TOX: variants seen among roughly 807,000 people sequenced by gnomAD.
TOX encodes thymocyte selection-associated high mobility group box protein TOX.
In TOX, 11 loss-of-function variants were observed where a neutral mutation model predicts 53.7. The ratio of observed to expected loss-of-function variants is 0.20; its 90% CI spans 0.13 to 0.34. TOX has a LOEUF of 0.34. TOX is among the 10% of genes least tolerant of loss of function. The probability of loss-of-function intolerance (pLI) is 1.00; values close to 1 mark genes in which losing one functional copy is unlikely to be tolerated. For synonymous variants in TOX, 225 were observed against 245.3 expected (o/e 0.92, Z 0.77); for missense variants, 570 against 664.6 (o/e 0.86, Z 1.56).
intron 3 of TOX, among the ~76,000 whole-genome samples, chr8:58,883,568 A>C (rs990125937): frequency 6.6e-6 from 1 of 152,170 alleles, no homozygotes; most frequent in African/African-American, 2.4e-5. Flanking sequence ...AATTTCTCCA[A>C]AGCTTTGATT....
intron 3 of TOX, among the ~76,000 whole-genome samples, chr8:58,915,557 A>G (rs1812002740): frequency 7.6e-6 from 1 of 131,192 alleles, no homozygotes; most frequent in African/African-American, 3.0e-5. Context: ...TCTGTACATC[A>G]CCATCATCAA....
intron 1 of TOX, among the ~76,000 whole-genome samples, chr8:59,029,205 A>T (rs778730097): frequency 7.2e-5 from 11 of 152,052 alleles, no homozygotes; most frequent in Non-Finnish European, 1.3e-4. Flanking sequence ...AGTTAGATGG[A>T]ATATAGATAT....
At chr8:59,105,210 A>T (rs986358037) in intron 1 of TOX, among the ~76,000 whole-genome samples, 11 of 152,204 alleles carry the variant, frequency 7.2e-5, no homozygotes, top group Non-Finnish European at 7.4e-5. Flanking sequence ...ATCTGAAAAT[A>T]AGAAGTTATA....
intron 3 of TOX, among the ~76,000 whole-genome samples, chr8:58,911,769 T>A (rs1414058068): frequency 6.6e-6 from 1 of 152,168 alleles, no homozygotes; most frequent in East Asian, 1.9e-4. Flanking sequence ...AATGGTGCAA[T>A]CTTGGCTCAC....
intron 1 of TOX, among the ~76,000 whole-genome samples, chr8:58,977,417 A>G (rs1813121968): frequency 6.6e-6 from 1 of 152,200 alleles, no homozygotes; most frequent in Admixed American, 6.5e-5. Flanking sequence ...TTCTATCCAG[A>G]TCACCAAAAC....
chr8:58,826,579 T>C (rs1040861539), intron 6 of TOX, among the ~76,000 whole-genome samples: 5 of 152,180 alleles, frequency 3.3e-5, no homozygotes, highest in Non-Finnish European at 7.3e-5. Flanking sequence ...CTGTGACTAA[T>C]CCACAAAACC....
intron 1 of TOX, among the ~76,000 whole-genome samples, chr8:59,111,195 G>C (rs1167863115): frequency 6.6e-6 from 1 of 152,118 alleles, no homozygotes; most frequent in African/African-American, 2.4e-5. Context: ...TTTGCCTAGG[G>C]AGTAAGTCAA....
At chr8:59,039,761 A>G (rs923700578) in intron 1 of TOX, among the ~76,000 whole-genome samples, 1 of 152,208 alleles carries the variant, frequency 6.6e-6, no homozygotes, top group African/African-American at 2.4e-5. Flanking sequence ...GCTTGTTTTT[A>G]CCTTCAGAAA....
chr8:59,012,848 C>T (rs1213747508), intron 1 of TOX, among the ~76,000 whole-genome samples: 2 of 151,302 alleles, frequency 1.3e-5, no homozygotes, highest in African/African-American at 4.9e-5. Context: ...GCCCTAGTTT[C>T]TCAGCTGGCC....
chr8:58,857,772 TC>T (rs1408451268), intron 3 of TOX, among the ~76,000 whole-genome samples: 1 of 152,140 alleles, frequency 6.6e-6, no homozygotes, highest in African/African-American at 2.4e-5. Context: ...TGATTTTCTT[TC>T]TTTTTTTTTT....
At chr8:59,090,891 C>T (rs1382095057) in intron 1 of TOX, among the ~76,000 whole-genome samples, 1 of 152,118 alleles carries the variant, frequency 6.6e-6, no homozygotes, top group Non-Finnish European at 1.5e-5. Context: ...TTGCTTCCTG[C>T]CAGTTGCAAA....
intron 1 of TOX, among the ~76,000 whole-genome samples, chr8:59,091,673 C>T (rs1804609353): frequency 2.0e-5 from 3 of 152,080 alleles, no homozygotes; most frequent in Non-Finnish European, 2.9e-5. Context: ...AGGGCTTCAT[C>T]CATGTTTGGT....
intron 1 of TOX, among the ~76,000 whole-genome samples, chr8:59,056,431 GAA>G (rs397697554): frequency 8.9e-5 from 5 of 56,294 alleles, no homozygotes; most frequent in Non-Finnish European, 1.1e-4. Flanking sequence ...GGCCCTCTCC[GAA>G]AAAAAAAAAA....
intron 3 of TOX, among the ~76,000 whole-genome samples, chr8:58,869,784 C>A (rs943075861): frequency 1.6e-4 from 25 of 151,822 alleles, no homozygotes; most frequent in African/African-American, 6.0e-4. Context: ...GTCCAATAAT[C>A]AATGTATTCT....
At chr8:58,937,426 C>A (rs187066593) in intron 3 of TOX, among the ~76,000 whole-genome samples, 3 of 152,076 alleles carry the variant, frequency 2.0e-5, no homozygotes, top group Admixed American at 2.0e-4. Context: ...GAGGAAGGGA[C>A]AGTGGGAATG....
intron 4 of TOX, among the ~76,000 whole-genome samples, chr8:58,848,506 A>G (rs1302699119): frequency 2.0e-5 from 3 of 152,144 alleles, no homozygotes; most frequent in African/African-American, 4.8e-5. Flanking sequence ...AAAAGCAGAA[A>G]GTAAAAGGAT....
At chr8:59,080,648 G>A (rs1804390918) in intron 1 of TOX, among the ~76,000 whole-genome samples, 1 of 152,094 alleles carries the variant, frequency 6.6e-6, no homozygotes, top group Non-Finnish European at 1.5e-5. Flanking sequence ...GGATCATGGG[G>A]GCAGATTCCC....
chr8:59,061,909 C>A (rs1037167428), intron 1 of TOX, among the ~76,000 whole-genome samples: 2 of 152,030 alleles, frequency 1.3e-5, no homozygotes, highest in African/African-American at 4.8e-5. Context: ...TCTTTCTTGG[C>A]GCTTCTCTTC....
At chr8:58,880,909 T>A (rs1811373356) in intron 3 of TOX, among the ~76,000 whole-genome samples, 1 of 152,182 alleles carries the variant, frequency 6.6e-6, no homozygotes, top group African/African-American at 2.4e-5. Flanking sequence ...CATGAAGATG[T>A]GAATAATGTA....
Sources: allele counts gnomAD v4.1 joint callset (sites outside exome capture counted in the v4.1 genomes callset), GRCh38; gene constraint gnomAD v4.1.1; transcripts MANE v1.5; gene names NCBI Gene and HGNC (gene_info 2026-07-23, HGNC 2026-07-21).